The following ODAPH variants were observed in gnomAD, a reference collection of about 807,000 sequenced individuals.
ODAPH encodes odontogenesis associated phosphoprotein.
A neutral mutation model predicts 2.8 loss-of-function variants in ODAPH; 2 were observed. The ratio of observed to expected loss-of-function variants is 0.72; its 90% CI spans 0.30 to 2.28. The LOEUF (loss-of-function observed/expected upper bound fraction) is 2.28, where lower values mean the gene tolerates loss of function less well. Among genes scored for constraint, ODAPH ranks in the 30% most tolerant of loss-of-function variants. The pLI is 0.13. For missense variants in ODAPH, 159 were observed against 163.3 expected (o/e 0.97, Z 0.14); for synonymous variants, 75 against 60.3 (o/e 1.24, Z -1.13).
intron 1 of ODAPH, among the ~76,000 whole-genome samples, chr4:75,563,507 A>G (rs78843300): frequency 5.8e-4 from 89 of 152,320 alleles, no homozygotes; most frequent in African/African-American, 2.1e-3. Flanking sequence ...CTATGTAACA[A>G]CCACCCAGAT....
chr4:75,562,674 A>C (rs13127779), intron 1 of ODAPH, among the ~76,000 whole-genome samples: 3 of 152,012 alleles, frequency 2.0e-5, no homozygotes, highest in Non-Finnish European at 4.4e-5. Flanking sequence ...TGTATATGTA[A>C]GCCTCTAAGG....
At chr4:75,561,715 C>T (rs184094695) in intron 1 of ODAPH, among the ~76,000 whole-genome samples, 37 of 152,126 alleles carry the variant, frequency 2.4e-4, no homozygotes, top group African/African-American at 8.7e-4. Flanking sequence ...GGCGTGGTGG[C>T]GGGCACCTGT....
At chr4:75,559,458 A>T (rs1727476370) in intron 1 of ODAPH, among the ~76,000 whole-genome samples, 1 of 152,242 alleles carries the variant, frequency 6.6e-6, no homozygotes, top group Non-Finnish European at 1.5e-5. Context: ...ACAAAGGAGG[A>T]AAATGAGACT....
chr4:75,558,727 T>C (rs535698966), intron 1 of ODAPH, among the ~76,000 whole-genome samples: 136 of 152,324 alleles, frequency 8.9e-4, no homozygotes, highest in Admixed American at 2.3e-3. Context: ...AGGGTCTCCC[T>C]CTGTCGCCCA....
intron 1 of ODAPH, 145 bp downstream of exon 1, chr4:75,556,294 A>C: frequency 3.3e-6 from 3 of 903,970 alleles, no homozygotes; most frequent in Non-Finnish European, 5.2e-6. Flanking sequence ...AAGAGAAGGA[A>C]GTTGGATTTT....
At position 75,558,141 on chromosome 4, in the gene ODAPH, C is replaced by T. The variant is rs114872563; in HGVS notation, c.67+1992C>T. ...TTAATCATCTCTGCGTTTGCCAGAG[C>T]CCCTAATGTAGTAACCTGTACCTGT... is the stretch of plus-strand genomic sequence containing the variant. On this transcript the variant is annotated intron_variant, in intron 1 of 1. Coordinates refer to ENST00000311623, the MANE Select transcript of ODAPH (RefSeq NM_178497.5). Among the ~76,000 whole-genome samples the T allele has an allele frequency of 2.5e-3, 379 of 152,296 alleles. 3 individuals are homozygous for T. Among genetic ancestry groups the T allele is most frequent in the African/African-American group, 8.6e-3 (359 of 41,568 alleles).
chr4:75,564,110 A>G lies in ODAPH; in HGVS notation c.68-4A>G, dbSNP rs1219796454. The G allele has an allele frequency of 1.2e-6, 2 of 1,614,024 alleles. No homozygotes were observed. The highest frequency in any genetic ancestry group is 2.2e-5 in the East Asian group (1 of 44,886). Reference sequence around the variant, plus strand: ...TTTCCTGACTTGCGTTTTCCTCTCCACAGGACAAGAAGAGGTATTTACGCC... The same window carrying G: ...TTTCCTGACTTGCGTTTTCCTCTCCGCAGGACAAGAAGAGGTATTTACGCC... On this transcript the variant is annotated splice_region_variant and splice_polypyrimidine_tract_variant and intron_variant, in intron 1 of 1. Coordinates refer to ENST00000311623, the MANE Select transcript of ODAPH (RefSeq NM_178497.5).
intron 1 of ODAPH, among the ~76,000 whole-genome samples, chr4:75,558,528 T>C (rs1208021185): frequency 6.8e-6 from 1 of 147,964 alleles, no homozygotes; most frequent in Non-Finnish European, 1.5e-5. Context: ...AAAAAAAAGG[T>C]CTTTCATCAT....
intron 1 of ODAPH, among the ~76,000 whole-genome samples, chr4:75,561,781 A>T (rs1237388044): frequency 6.6e-6 from 1 of 151,842 alleles, no homozygotes. Flanking sequence ...CAGGAGGTGG[A>T]GGCTGCAGTG....
At chr4:75,565,806 T>G (rs968562335), downstream of ODAPH, 1 of 151,994 alleles carries the variant, frequency 6.6e-6, no homozygotes, top group Admixed American at 6.6e-5. Context: ...TTGGGAATGG[T>G]TGCCCTAAAA....
At chr4:75,565,383 C>T (rs1445809848), downstream of ODAPH, 1 of 152,178 alleles carries the variant, frequency 6.6e-6, no homozygotes, top group Non-Finnish European at 1.5e-5. Context: ...AATTTTCTCA[C>T]TGTTTCCCGT....
intron 1 of ODAPH, among the ~76,000 whole-genome samples, chr4:75,559,269 T>C (rs58611626): frequency 0.029 from 4,422 of 152,308 alleles, 201 homozygotes; most frequent in African/African-American, 0.093. Flanking sequence ...TTTATGGGCC[T>C]AAGAAAATGG....
At chr4:75,562,764 T>C (rs1367301878) in intron 1 of ODAPH, among the ~76,000 whole-genome samples, 1 of 152,174 alleles carries the variant, frequency 6.6e-6, no homozygotes, top group African/African-American at 2.4e-5. Context: ...AGGAAGACTA[T>C]GACACTTGGG....
downstream of ODAPH, chr4:75,565,386 T>C (rs1727772601): frequency 6.6e-6 from 1 of 152,224 alleles, no homozygotes; most frequent in South Asian, 2.1e-4. Flanking sequence ...TTTCTCACTG[T>C]TTCCCGTTAT....
Position 75,564,163 on chromosome 4 carries a change from C to A in ODAPH, c.117C>A (p.Asp39Glu). ...CTGGAGATTCACAAAATAATGCGGACGCTACCGACTGCCAGATCTTTACAC... is the reference window on the plus strand; with the variant it reads ...CTGGAGATTCACAAAATAATGCGGAAGCTACCGACTGCCAGATCTTTACAC... ...TPPGDSQNNA[D>E]ATDCQIFTLT... The change falls in exon 2 of 2, where the codon GAC (aspartate) becomes GAA (glutamate). Residue 39 changes from aspartate (D) to glutamate (E), a missense_variant. Coordinates refer to ENST00000311623, the MANE Select transcript of ODAPH (RefSeq NM_178497.5). The A allele has an allele frequency of 6.2e-7, 1 of 1,614,172 alleles. No individual in the cohort carries two copies. Among genetic ancestry groups the A allele is most frequent in the Non-Finnish European group, 8.5e-7 (1 of 1,180,032 alleles).
At chr4:75,563,590 A>G (rs1043912529) in intron 1 of ODAPH, among the ~76,000 whole-genome samples, 1 of 152,010 alleles carries the variant, frequency 6.6e-6, no homozygotes, top group Non-Finnish European at 1.5e-5. Flanking sequence ...CCTTTCCCTA[A>G]GCTGAATTAT....
At chr4:75,557,406 G>A (rs1397350002) in intron 1 of ODAPH, among the ~76,000 whole-genome samples, 3 of 152,176 alleles carry the variant, frequency 2.0e-5, no homozygotes, top group Non-Finnish European at 4.4e-5. Context: ...TTGGGAGGCC[G>A]AGGTGGGCAG....
intron 1 of ODAPH, among the ~76,000 whole-genome samples, chr4:75,559,864 A>T (rs1727489727): frequency 6.6e-6 from 1 of 152,212 alleles, no homozygotes; most frequent in African/African-American, 2.4e-5. Context: ...CTTTCAGTGG[A>T]GCAGGCATAT....
At chr4:75,562,592 G>A (rs1727625096) in intron 1 of ODAPH, among the ~76,000 whole-genome samples, 1 of 152,046 alleles carries the variant, frequency 6.6e-6, no homozygotes, top group African/African-American at 2.4e-5. Context: ...CGCCCACCTC[G>A]GCCTCCCAAA....
Sources: allele counts gnomAD v4.1 joint callset (sites outside exome capture counted in the v4.1 genomes callset), GRCh38; gene constraint gnomAD v4.1.1; transcripts MANE v1.5; gene names NCBI Gene and HGNC (gene_info 2026-07-23, HGNC 2026-07-21).